The following UGGT2 variants were observed in gnomAD, a reference collection of about 807,000 sequenced individuals.
UGGT2 encodes the protein UDP-glucose glycoprotein glucosyltransferase 2, also known as UDP-glucose:glycoprotein glucosyltransferase 2.
A neutral mutation model predicts 192.1 loss-of-function variants in UGGT2; 180 were observed. The observed-to-expected ratio is 0.94, with a 90% CI of 0.83 to 1.06. The LOEUF (loss-of-function observed/expected upper bound fraction) is 1.06. Among genes scored for constraint, UGGT2 ranks in the 50% least tolerant of loss-of-function variants. The pLI is 0.00. For synonymous variants in UGGT2, 580 were observed against 591.0 expected, an observed-to-expected ratio of 0.98 and a Z score of 0.27; for missense variants, 1,849 against 1,795.7, an observed-to-expected ratio of 1.03 and a Z score of -0.54.
At chr13:95,876,553 G>A (rs1001782766) in intron 29 of UGGT2, among the ~76,000 whole-genome samples, 2 of 152,300 alleles carry the variant, frequency 1.3e-5, no homozygotes, top group South Asian at 2.1e-4. Context: ...TTACTGGGGT[G>A]AGCATGGTTT....
chr13:95,802,415 C>T (rs1884101352), intron 38 of UGGT2, among the ~76,000 whole-genome samples: 1 of 152,130 alleles, frequency 6.6e-6, no homozygotes. Context: ...AATTTAAATG[C>T]ATGCTGTTCC....
intron 14 of UGGT2, 108 bp from the exon 15 acceptor site, chr13:95,947,280 T>C: frequency 8.6e-7 from 1 of 1,160,884 alleles, no homozygotes; most frequent in Non-Finnish European, 1.2e-6. Context: ...GAGAATGTAT[T>C]AATAGACAGA....
At chr13:95,939,370 G>C (rs986397891) in intron 16 of UGGT2, among the ~76,000 whole-genome samples, 6 of 151,774 alleles carry the variant, frequency 4.0e-5, no homozygotes, top group Non-Finnish European at 5.9e-5. Flanking sequence ...TTCATTCAAT[G>C]TGTTGCGTAT....
At chr13:95,988,192 C>T (rs1000830325) in intron 8 of UGGT2, among the ~76,000 whole-genome samples, 2 of 151,980 alleles carry the variant, frequency 1.3e-5, no homozygotes, top group African/African-American at 4.8e-5. Flanking sequence ...GTTGGTTTCC[C>T]TCAATCATGC....
chr13:96,041,073 C>T (rs2053150971), intron 1 of UGGT2, among the ~76,000 whole-genome samples: 1 of 152,118 alleles, frequency 6.6e-6, no homozygotes, highest in Non-Finnish European at 1.5e-5. Context: ...TCCAGAACTG[C>T]TGCAGGAATA....
At chr13:95,909,168 C>T (rs914987769) in intron 20 of UGGT2, among the ~76,000 whole-genome samples, 34 of 152,216 alleles carry the variant, frequency 2.2e-4, no homozygotes, top group African/African-American at 7.9e-4. Context: ...CTACATATGG[C>T]TAGCCAGTTT....
Position 95,990,057 on chromosome 13 carries a change from G to A in UGGT2, c.847C>T (p.Leu283Phe). ...TGGAATGCTGTCAGATTATCTCTAA[G>A]ATCTGAATATATTTCTCTGCATCAA... ...FGKLKEIYSD[L>F]RDNLTAFQKY... Residue 283 changes from leucine (L) to phenylalanine (F), a missense_variant, in exon 8 of 39, where the codon CTT becomes TTT. Physicochemically the swap from Leu to Phe is conservative, Grantham distance 22. Coordinates refer to ENST00000376747, the MANE Select transcript of UGGT2 (RefSeq NM_020121.4). 6.3e-7 allele frequency: 1 copy of A among 1,597,724 alleles called. No homozygotes were observed. The highest frequency in any genetic ancestry group is 1.7e-5 in the Admixed American group (1 of 58,802).
In UGGT2 at chr13:95,927,065, A is replaced by C. The variant is rs761364336; in HGVS notation, c.2163T>G (p.Ala721=). The C allele has an allele frequency of 1.9e-6, 3 of 1,611,108 alleles. No individual in the cohort carries two copies. Among genetic ancestry groups the C allele is most frequent in the Non-Finnish European group, 1.7e-6 (2 of 1,179,176 alleles). Reference sequence around the variant, plus strand: ...AATAATACATGTTCTTTGCAATTACAGCACTCTTATCTTGTGAATCCAAGA... The same window carrying C: ...AATAATACATGTTCTTTGCAATTACCGCACTCTTATCTTGTGAATCCAAGA... ...FFFLDSQDKS[A]VIAKNMYYLT... Residue 721 remains alanine (A), a synonymous_variant, in exon 19 of 39, where the codon GCT becomes GCG. Coordinates refer to ENST00000376747, the MANE Select transcript of UGGT2 (RefSeq NM_020121.4).
At chr13:95,841,181 C>T (rs1378863142) in intron 36 of UGGT2, among the ~76,000 whole-genome samples, 2 of 152,062 alleles carry the variant, frequency 1.3e-5, no homozygotes, top group African/African-American at 2.4e-5. Flanking sequence ...CAAACCTGCA[C>T]GTTCACCACG....
intron 1 of UGGT2, among the ~76,000 whole-genome samples, chr13:96,034,936 C>A (rs1323141375): frequency 6.6e-6 from 1 of 152,184 alleles, no homozygotes; most frequent in Non-Finnish European, 1.5e-5. Flanking sequence ...GCCGAGTGGA[C>A]AAAAGGAGCA....
intron 20 of UGGT2, among the ~76,000 whole-genome samples, chr13:95,908,692 G>A (rs1291013521): frequency 2.1e-5 from 3 of 145,728 alleles, no homozygotes; most frequent in Non-Finnish European, 4.5e-5. Context: ...TTTCTCTGAT[G>A]GCCAGTGATG....
chr13:95,968,494 T>C (rs1442137670), intron 12 of UGGT2, among the ~76,000 whole-genome samples: 2 of 152,146 alleles, frequency 1.3e-5, no homozygotes, highest in Non-Finnish European at 2.9e-5. Flanking sequence ...TGTTGGGTCA[T>C]GGGGGCAGAT....
intron 1 of UGGT2, among the ~76,000 whole-genome samples, chr13:96,041,108 C>T (rs2053152162): frequency 6.6e-6 from 1 of 152,188 alleles, no homozygotes; most frequent in Non-Finnish European, 1.5e-5. Flanking sequence ...AGAGAACCCA[C>T]AGACCCTCTG....
chr13:95,908,306 C>T (rs910414815), intron 20 of UGGT2, among the ~76,000 whole-genome samples: 3 of 152,182 alleles, frequency 2.0e-5, no homozygotes, highest in Non-Finnish European at 2.9e-5. Context: ...GAGAATGGAA[C>T]CATGTTGGAA....
At chr13:96,024,476 G>A (rs995522890) in intron 2 of UGGT2, among the ~76,000 whole-genome samples, 9 of 152,228 alleles carry the variant, frequency 5.9e-5, no homozygotes, top group Admixed American at 5.9e-4. Context: ...GGGATAAGCA[G>A]GGGTGGGCAG....
intron 17 of UGGT2, among the ~76,000 whole-genome samples, chr13:95,931,293 G>A (rs1206432760): frequency 6.6e-6 from 1 of 152,164 alleles, no homozygotes; most frequent in Non-Finnish European, 1.5e-5. Flanking sequence ...GACACAGAGT[G>A]CTGATTGGTG....
intron 13 of UGGT2, 114 bp downstream of exon 13, chr13:95,949,221 C>T: frequency 9.2e-7 from 1 of 1,084,350 alleles, no homozygotes; most frequent in Non-Finnish European, 1.2e-6. Flanking sequence ...CTGCTTCAGG[C>T]AAATACTTAA....
intron 1 of UGGT2, among the ~76,000 whole-genome samples, chr13:96,036,752 T>A (rs899568047): frequency 6.6e-6 from 1 of 152,166 alleles, no homozygotes; most frequent in African/African-American, 2.4e-5. Flanking sequence ...ATATTACCTT[T>A]GAACAACATT....
intron 36 of UGGT2, among the ~76,000 whole-genome samples, chr13:95,844,138 T>C (rs1471348806): frequency 1.3e-5 from 2 of 151,904 alleles, no homozygotes; most frequent in African/African-American, 4.8e-5. Flanking sequence ...TTTTTTATAC[T>C]TTTAGTAGAA....
Sources: allele counts gnomAD v4.1 joint callset (sites outside exome capture counted in the v4.1 genomes callset), GRCh38; gene constraint gnomAD v4.1.1; transcripts MANE v1.5; gene names NCBI Gene and HGNC (gene_info 2026-07-23, HGNC 2026-07-21).